Variants in ATF1 observed in about 807,000 individuals in gnomAD.
ATF1 encodes the protein cyclic AMP-dependent transcription factor ATF-1.
Under a neutral mutation model 34.7 loss-of-function variants are expected in ATF1, and 16 were observed. The ratio of observed to expected loss-of-function variants is 0.46; its 90% CI spans 0.31 to 0.70. The LOEUF (loss-of-function observed/expected upper bound fraction) is 0.70, where lower values mean the gene tolerates loss of function less well. Among genes scored for constraint, ATF1 ranks in the 30% least tolerant of loss-of-function variants. ATF1 has a pLI of 0.05. For synonymous variants in ATF1, 105 were observed against 113.1 expected (o/e 0.93, Z 0.46); for missense variants, 255 against 321.6 (o/e 0.79, Z 1.58).
rs7959129 is a variant in ATF1 at position 50,775,325 on chromosome 12, T to G, written c.-6-4815T>G. Among the ~76,000 whole-genome samples the G allele has an allele frequency of 0.84, 127,228 of 151,270 alleles. 55,413 individuals carry two copies. Among genetic ancestry groups the G allele is most frequent in the Non-Finnish European group, 0.98 (66,347 of 67,904 alleles). On this transcript the variant is annotated intron_variant, in intron 1 of 6. Coordinates refer to ENST00000262053, the MANE Select transcript of ATF1 (RefSeq NM_005171.5). ...GTGGCTTTTACTGTTGATATGTGTG[T>G]TTTTTTTTTGATCATATTAGTTTCT... is the stretch of plus-strand genomic sequence containing the variant.
intron 4 of ATF1, among the ~76,000 whole-genome samples, chr12:50,812,313 G>A (rs1941753956): frequency 6.6e-6 from 1 of 152,168 alleles, no homozygotes; most frequent in Non-Finnish European, 1.5e-5. Flanking sequence ...AATGGCAAAA[G>A]TATATAAGTC....
intron 2 of ATF1, among the ~76,000 whole-genome samples, chr12:50,792,082 C>T (rs1482487039): frequency 1.3e-5 from 2 of 152,140 alleles, no homozygotes; most frequent in Non-Finnish European, 1.5e-5. Flanking sequence ...TTCCAGTCCC[C>T]TAACTCCTGC....
intron 1 of ATF1, among the ~76,000 whole-genome samples, chr12:50,767,936 G>A (rs1429265385): frequency 6.6e-6 from 1 of 150,738 alleles, no homozygotes; most frequent in East Asian, 2.0e-4. Context: ...GCAGTGGTGC[G>A]ATCTCAGCTC....
chr12:50,774,380 T>TAGA (rs1434323959), intron 1 of ATF1, among the ~76,000 whole-genome samples: 1 of 152,180 alleles, frequency 6.6e-6, no homozygotes. Context: ...ATTCTCTCTA[T>TAGA]GTCAGCAAGA....
In ATF1 at chr12:50,814,072, C is replaced by T. The variant is rs1352074511; in HGVS notation, c.391C>T (p.Leu131Phe). The change falls in exon 5 of 7, where the codon CTT becomes TTT. Residue 131 changes from leucine to phenylalanine, a missense_variant. Coordinates refer to ENST00000262053, the MANE Select transcript of ATF1 (RefSeq NM_005171.5). ...TCCAGGCACAGATGGAGTACAGGGA[C>T]TTCAGACATTAACCATGACAAATTC... The part of the protein sequence containing the change: ...ASPGTDGVQG[L>F]QTLTMTNSGS... 1 of 1,614,068 alleles carries T rather than the reference C, an allele frequency of 6.2e-7. No homozygotes were observed. Among genetic ancestry groups the T allele is most frequent in the Non-Finnish European group, 8.5e-7 (1 of 1,180,048 alleles).
intron 1 of ATF1, among the ~76,000 whole-genome samples, chr12:50,770,160 A>T (rs1008883165): frequency 5.3e-5 from 8 of 152,218 alleles, no homozygotes; most frequent in African/African-American, 1.9e-4. Context: ...ACTAGTTGTG[A>T]GTATTCTTAA....
chr12:50,768,926 AG>A (rs1364760727), intron 1 of ATF1, among the ~76,000 whole-genome samples: 1 of 152,234 alleles, frequency 6.6e-6, no homozygotes, highest in African/African-American at 2.4e-5. Flanking sequence ...ATGTGGAGTT[AG>A]CCACGCCCCT....
intron 2 of ATF1, among the ~76,000 whole-genome samples, chr12:50,792,953 A>G (rs145570874): frequency 1.4e-3 from 220 of 152,268 alleles, no homozygotes; most frequent in African/African-American, 5.0e-3. Flanking sequence ...CGAAAGAAAG[A>G]GCCATCCTAG....
chr12:50,816,883 A>C (rs527776623), intron 6 of ATF1, among the ~76,000 whole-genome samples: 9 of 152,298 alleles, frequency 5.9e-5, no homozygotes, highest in East Asian at 3.9e-4. Flanking sequence ...ACAAAAAAAA[A>C]CACACAAGTA....
intron 1 of ATF1, among the ~76,000 whole-genome samples, chr12:50,769,033 C>G (rs905102155): frequency 4.6e-5 from 7 of 152,064 alleles, no homozygotes; most frequent in Non-Finnish European, 8.8e-5. Context: ...TGCTTACTAA[C>G]CAGGGTTTTC....
At chr12:50,783,866 G>A (rs7134741) in intron 2 of ATF1, among the ~76,000 whole-genome samples, 36,589 of 129,754 alleles carry the variant, frequency 0.28, 5,317 homozygotes, top group Non-Finnish European at 0.34. Context: ...AACTCCGTCT[G>A]AAAAAAAAAA....
At chr12:50,792,872 G>C (rs1340207812) in intron 2 of ATF1, among the ~76,000 whole-genome samples, 1 of 151,916 alleles carries the variant, frequency 6.6e-6, no homozygotes, top group Non-Finnish European at 1.5e-5. Context: ...TCAAATAAAA[G>C]AGTTCTCTTG....
At chr12:50,814,585 T>A (rs1941804395) in intron 6 of ATF1, 146 bp downstream of exon 6, 2 of 948,864 alleles carry the variant, frequency 2.1e-6, no homozygotes, top group Admixed American at 2.9e-5. Context: ...ATGACGGTGG[T>A]CCCATAAAAT....
At chr12:50,815,327 G>A (rs1941821693) in intron 6 of ATF1, among the ~76,000 whole-genome samples, 1 of 151,968 alleles carries the variant, frequency 6.6e-6, no homozygotes, top group Admixed American at 6.6e-5. Flanking sequence ...GCTAATGTTG[G>A]TGTTGGTGTC....
chr12:50,794,423 G>T (rs1037320845), intron 2 of ATF1, among the ~76,000 whole-genome samples: 5 of 151,610 alleles, frequency 3.3e-5, no homozygotes, highest in African/African-American at 1.2e-4. Context: ...AAATTAGCTG[G>T]GCGTGGTGGC....
intron 6 of ATF1, among the ~76,000 whole-genome samples, chr12:50,816,888 C>T (rs1456440933): frequency 6.6e-6 from 1 of 151,966 alleles, no homozygotes. Flanking sequence ...AAAAAACACA[C>T]AAGTAGTTAA....
chr12:50,775,060 AT>A (rs1940880728), intron 1 of ATF1, among the ~76,000 whole-genome samples: 1 of 150,762 alleles, frequency 6.6e-6, no homozygotes, highest in Non-Finnish European at 1.5e-5. Context: ...TTTATTTGAT[AT>A]GTTGATTCTT....
In ATF1 at chr12:50,819,656, C is replaced by A; in HGVS notation, c.693C>A (p.Arg231=). The A allele has an allele frequency of 4.3e-6, 7 of 1,612,002 alleles. No homozygotes were observed. The highest frequency in any genetic ancestry group is 5.9e-6 in the Non-Finnish European group (7 of 1,179,442). Residue 231 remains arginine, a synonymous_variant, in exon 7 of 7, where the codon CGC becomes CGA. Transcript: ENST00000262053. Reference sequence around the variant, plus strand: ...TTAGAGAAGCTGCTCGAGAATGTCGCAGAAAGAAGAAAGAATATGTGAAAT... The same window carrying A: ...TTAGAGAAGCTGCTCGAGAATGTCGAAGAAAGAAGAAAGAATATGTGAAAT... ...MKNREAAREC[R]RKKKEYVKCL... is the part of the protein sequence containing the mutation.
At chr12:50,795,476 A>T (rs959095330) in intron 2 of ATF1, among the ~76,000 whole-genome samples, 2 of 152,208 alleles carry the variant, frequency 1.3e-5, no homozygotes, top group African/African-American at 4.8e-5. Flanking sequence ...CCAGACCTAC[A>T]GGCTTGTATA....
Sources: allele counts gnomAD v4.1 joint callset (sites outside exome capture counted in the v4.1 genomes callset), GRCh38; gene constraint gnomAD v4.1.1; transcripts MANE v1.5; gene names NCBI Gene and HGNC (gene_info 2026-07-23, HGNC 2026-07-21).